The following ADGRV1 variants were observed in gnomAD, a reference collection of about 807,000 sequenced individuals.
ADGRV1 encodes adhesion G protein-coupled receptor V1, also known as G-protein coupled receptor 98.
In ADGRV1, 359 loss-of-function variants were observed where a neutral mutation model predicts 596.2. That is an observed-to-expected ratio of 0.60 (90% CI 0.55 to 0.66). The LOEUF (loss-of-function observed/expected upper bound fraction) is 0.66, where lower values mean the gene tolerates loss of function less well. ADGRV1 is among the 30% of genes least tolerant of loss of function. The pLI, the probability that ADGRV1 is intolerant of heterozygous loss-of-function variation, is 0.00. For synonymous variants in ADGRV1, 2,681 were observed against 2,679.2 expected, an observed-to-expected ratio of 1.00 and a Z score of -0.02; for missense variants, 7,274 against 7,575.6, an observed-to-expected ratio of 0.96 and a Z score of 1.48.
At chr5:90,975,827 ATGT>A (rs1255369238) in intron 84 of ADGRV1, among the ~76,000 whole-genome samples, 2 of 150,616 alleles carry the variant, frequency 1.3e-5, no homozygotes, top group Admixed American at 1.3e-4. Context: ...CATTGTGCAC[ATGT>A]ACCCTAGAAC....
At chr5:91,060,714 A>C (rs986112663) in intron 85 of ADGRV1, among the ~76,000 whole-genome samples, 3 of 152,226 alleles carry the variant, frequency 2.0e-5, no homozygotes, top group Non-Finnish European at 4.4e-5. Flanking sequence ...GCAAATGTTA[A>C]TGTGACTAAA....
chr5:90,885,176 C>A (rs1040560642), intron 83 of ADGRV1, among the ~76,000 whole-genome samples: 1 of 152,140 alleles, frequency 6.6e-6, no homozygotes, highest in African/African-American at 2.4e-5. Flanking sequence ...ATCTTTAGCT[C>A]TCTGTAGATT....
chr5:90,896,063 T>A, intron 83 of ADGRV1, among the ~76,000 whole-genome samples: 1 of 152,152 alleles, frequency 6.6e-6, no homozygotes, highest in South Asian at 2.1e-4. Context: ...GCTAACTGGA[T>A]TTCACTGTAG....
At chr5:90,983,080 CTA>C (rs761873388) in intron 84 of ADGRV1, among the ~76,000 whole-genome samples, 4 of 152,112 alleles carry the variant, frequency 2.6e-5, no homozygotes, top group African/African-American at 4.8e-5. Context: ...AAATACTTCT[CTA>C]GAGTATATTT....
intron 87 of ADGRV1, among the ~76,000 whole-genome samples, chr5:91,108,653 G>A (rs986872734): frequency 6.6e-6 from 1 of 152,070 alleles, no homozygotes; most frequent in Non-Finnish European, 1.5e-5. Flanking sequence ...GGAGGGCAAC[G>A]ACGTGATCAT....
At chr5:91,132,816 A>G (rs1794323414) in intron 87 of ADGRV1, among the ~76,000 whole-genome samples, 1 of 152,206 alleles carries the variant, frequency 6.6e-6, no homozygotes, top group Non-Finnish European at 1.5e-5. Flanking sequence ...TGAATGTGCA[A>G]AGGCACTGAG....
chr5:90,743,230 A>G (rs78789282), intron 50 of ADGRV1, among the ~76,000 whole-genome samples: 1,781 of 152,284 alleles, frequency 0.012, 35 homozygotes, highest in African/African-American at 0.041. Context: ...ATATATGGCC[A>G]TTTAAAATGC....
At chr5:91,086,927 A>G (rs766083363) in intron 86 of ADGRV1, among the ~76,000 whole-genome samples, 9 of 152,188 alleles carry the variant, frequency 5.9e-5, no homozygotes, top group Non-Finnish European at 1.2e-4. Context: ...CTGGCCCTCA[A>G]TATTCCTTCA....
chr5:90,986,428 T>C (rs1037146658), intron 85 of ADGRV1, among the ~76,000 whole-genome samples: 3 of 152,106 alleles, frequency 2.0e-5, no homozygotes, highest in Non-Finnish European at 4.4e-5. Flanking sequence ...TTATTGCTTA[T>C]GATCAATTAT....
chr5:91,079,942 C>T (rs1354479807), intron 86 of ADGRV1, among the ~76,000 whole-genome samples: 1 of 152,150 alleles, frequency 6.6e-6, no homozygotes, highest in Non-Finnish European at 1.5e-5. Flanking sequence ...CCCTTTGCAC[C>T]TTGGTGGTCC....
At position 90,965,404 on chromosome 5, in the gene ADGRV1, G is replaced by A. The variant is rs918520562; in HGVS notation, c.17857-11G>A. 4.5e-6 allele frequency: 7 copies of A among 1,545,892 alleles called. No homozygotes were observed. The highest frequency in any genetic ancestry group is 1.7e-4 in the Middle Eastern group (1 of 5,928). On this transcript the variant is annotated splice_polypyrimidine_tract_variant and intron_variant, in intron 83 of 89. Transcript: ENST00000405460. ...GCATATTTTAAAAATAGAAGTATCT[G>A]TTTCTTACAGATTCTGTTTCTGGCG...
intron 82 of ADGRV1, among the ~76,000 whole-genome samples, chr5:90,859,975 C>A (rs1581349175): frequency 1.3e-5 from 2 of 151,454 alleles, no homozygotes; most frequent in South Asian, 4.2e-4. Context: ...GCTGTAGACC[C>A]AGCTACTCAG....
At chr5:90,621,873 T>C (rs961384754) in intron 4 of ADGRV1, among the ~76,000 whole-genome samples, 2 of 152,172 alleles carry the variant, frequency 1.3e-5, no homozygotes, top group South Asian at 2.1e-4. Context: ...GCCCTCAGTA[T>C]ATGTCAGGTA....
In ADGRV1 at chr5:90,970,613, A is replaced by C. The variant is rs570543421; in HGVS notation, c.17973+5082A>C. Among the ~76,000 whole-genome samples the C allele has an allele frequency of 4.6e-4, 69 of 151,006 alleles. No individual in the cohort carries two copies. In the South Asian group the frequency reaches 0.014, roughly 31 times the overall value. ...CAAACAGGGTCTGGAGTGGACCTCCAGCAAACTCCAGCAGACCTGCAGCTG... is the reference window on the plus strand; with the variant it reads ...CAAACAGGGTCTGGAGTGGACCTCCCGCAAACTCCAGCAGACCTGCAGCTG... On this transcript the variant is annotated intron_variant, in intron 84 of 89. Coordinates refer to ENST00000405460, the MANE Select transcript of ADGRV1 (RefSeq NM_032119.4).
In ADGRV1 at chr5:90,688,195, G is replaced by C. The variant is rs531287441; in HGVS notation, c.6491-1666G>C. Among the ~76,000 whole-genome samples, 427 of 152,186 alleles carry C rather than the reference G, an allele frequency of 2.8e-3. 1 individual carries two copies. Among genetic ancestry groups the C allele is most frequent in the African/African-American group, 9.3e-3 (385 of 41,514 alleles). On this transcript the variant is annotated intron_variant, in intron 29 of 89. Coordinates refer to ENST00000405460, the MANE Select transcript of ADGRV1 (RefSeq NM_032119.4). ...ACAGCATGGTACTGGTACCAAAACAGAGATATAGATCAATGGAACAGAACA... is the reference window on the plus strand; with the variant it reads ...ACAGCATGGTACTGGTACCAAAACACAGATATAGATCAATGGAACAGAACA...
intron 85 of ADGRV1, among the ~76,000 whole-genome samples, chr5:90,989,258 C>T (rs62374052): frequency 0.22 from 33,515 of 152,004 alleles, 4,103 homozygotes; most frequent in Non-Finnish European, 0.28. Context: ...GTCCCACCAA[C>T]AGTGTAAAAG....
intron 67 of ADGRV1, among the ~76,000 whole-genome samples, chr5:90,785,521 ATATCCAGAAT>A (rs1759341868): frequency 3.9e-5 from 6 of 152,246 alleles, no homozygotes; most frequent in Admixed American, 3.9e-4. Flanking sequence ...CAAAGGGCTA[ATATCCAGAAT>A]CTACAAAGAA....
At chr5:90,965,719 G>A (rs1271967107) in intron 84 of ADGRV1, among the ~76,000 whole-genome samples, 188 bp downstream of exon 84, 1 of 152,196 alleles carries the variant, frequency 6.6e-6, no homozygotes, top group African/African-American at 2.4e-5. Flanking sequence ...TTGTGAGTTT[G>A]AAGAAATGAT....
At chr5:90,980,284 T>C (rs1779976944) in intron 84 of ADGRV1, among the ~76,000 whole-genome samples, 1 of 152,206 alleles carries the variant, frequency 6.6e-6, no homozygotes, top group Non-Finnish European at 1.5e-5. Context: ...AAAATTTTCA[T>C]TTAATTGTCT....
Sources: gnomAD v4.1 joint callset for allele counts (sites outside exome capture counted in the v4.1 genomes callset) on GRCh38, gnomAD v4.1.1 for gene constraint, MANE v1.5 for transcripts, NCBI Gene and HGNC (gene_info 2026-07-23, HGNC 2026-07-21) for gene names.